Variants in LTBP1 observed in about 807,000 individuals in gnomAD.
LTBP1 encodes latent transforming growth factor beta binding protein 1, also known as latent-transforming growth factor beta-binding protein 1.
In LTBP1, 129 loss-of-function variants were observed where a neutral mutation model predicts 207.6. The observed-to-expected ratio is 0.62, with a 90% CI of 0.54 to 0.72. LTBP1 has a LOEUF of 0.72. LTBP1 is among the 30% of genes least tolerant of loss of function. LTBP1 has a pLI of 0.00. For missense variants in LTBP1, 2,281 were observed against 2,217.2 expected (o/e 1.03, Z -0.58); for synonymous variants, 963 against 833.7 (o/e 1.16, Z -2.67).
In LTBP1 at chr2:33,034,566, C is replaced by G. The variant is rs986724950; in HGVS notation, c.863+13360C>G. ...TGATGACAGGCCTGGAAGCATAGGA[C>G]AGAGCTGGCACATTTTCAAAGGAAT... On this transcript the variant is annotated intron_variant, in intron 3 of 33. Transcript: ENST00000404816. Among the ~76,000 whole-genome samples the G allele has an allele frequency of 2.6e-5, 4 of 152,148 alleles. No individual in the cohort carries two copies. In the East Asian group the frequency reaches 7.7e-4, roughly 29 times the overall value.
intron 3 of LTBP1, among the ~76,000 whole-genome samples, chr2:33,090,703 G>A (rs992287859): frequency 6.6e-6 from 1 of 152,174 alleles, no homozygotes; most frequent in Non-Finnish European, 1.5e-5. Flanking sequence ...GTCTTCAAAG[G>A]AGGGGTTGAG....
chr2:33,173,109 G>A (rs2085633125), intron 5 of LTBP1, among the ~76,000 whole-genome samples: 1 of 152,012 alleles, frequency 6.6e-6, no homozygotes, highest in Non-Finnish European at 1.5e-5. Flanking sequence ...AAAAGCAAGA[G>A]CAAACACATT....
At chr2:33,195,399 A>T (rs779129621) in intron 7 of LTBP1, among the ~76,000 whole-genome samples, 4 of 152,218 alleles carry the variant, frequency 2.6e-5, no homozygotes, top group Non-Finnish European at 5.9e-5. Context: ...ATATTTAATT[A>T]AATTAGATAC....
rs372898090 is a variant in LTBP1, at chr2:33,259,540, T to G, written c.2396-48T>G. The G allele has an allele frequency of 4.4e-6, 6 of 1,363,974 alleles. No individual in the cohort carries two copies. In the African/African-American group the frequency reaches 8.7e-5, roughly 20 times the overall value. 84.5% of individuals were successfully genotyped at this position (1,363,974 alleles called of 1,614,324 possible). A position where few individuals can be genotyped will look rare whatever the true frequency, so the allele number is the denominator to read the frequency against. On this transcript the variant is annotated intron_variant, in intron 12 of 33. Transcript: ENST00000404816. ...TTTTAAGAATTGAAATATAATAGAC[T>G]GAATTGTCTTAAATGGTACTAATAC... is the stretch of plus-strand genomic sequence containing the variant.
intron 5 of LTBP1, among the ~76,000 whole-genome samples, chr2:33,185,245 C>A (rs1261405859): frequency 6.6e-6 from 1 of 152,118 alleles, no homozygotes; most frequent in Admixed American, 6.6e-5. Flanking sequence ...AAGTTGACAT[C>A]TTTGGTGAAT....
chr2:32,947,164 C>T lies in LTBP1; in HGVS notation c.-161C>T, dbSNP rs1042405529. 19 of 435,514 alleles carry T rather than the reference C, an allele frequency of 4.4e-5. No homozygotes were observed. Among genetic ancestry groups the T allele is most frequent in the Middle Eastern group, 1.3e-3 (2 of 1,562 alleles). 27.0% of individuals were successfully genotyped at this position (435,514 alleles called of 1,614,324 possible). On this transcript the variant is annotated 5_prime_UTR_variant, in exon 1 of 34. Coordinates refer to ENST00000404816, the MANE Select transcript of LTBP1 (RefSeq NM_206943.4). The stretch of plus-strand genomic sequence containing the variant: ...GCCGGGGTCTGGGGCCGCTCAGCTG[C>T]CCGCAGAGCCTCCTCCCTCGCCACC...
At chr2:32,966,470 G>T (rs1461686812) in intron 2 of LTBP1, among the ~76,000 whole-genome samples, 1 of 152,110 alleles carries the variant, frequency 6.6e-6, no homozygotes, top group Non-Finnish European at 1.5e-5. Flanking sequence ...CATGATCTTA[G>T]CAGGAAAACT....
At chr2:33,106,163 C>T (rs1264247305) in intron 3 of LTBP1, among the ~76,000 whole-genome samples, 1 of 152,208 alleles carries the variant, frequency 6.6e-6, no homozygotes, top group Non-Finnish European at 1.5e-5. Context: ...TCTTCAGGCT[C>T]CACTTGTAAC....
At position 33,260,802 on chromosome 2, in the gene LTBP1, G is replaced by A. The variant is rs547637174; in HGVS notation, c.2418+1192G>A. Among the ~76,000 whole-genome samples the A allele has an allele frequency of 5.3e-5, 8 of 152,302 alleles. No homozygotes were observed. In the South Asian group the frequency reaches 1.5e-3, roughly 28 times the overall value. On this transcript the variant is annotated intron_variant, in intron 13 of 33. Transcript: ENST00000404816. ...ATGTATGGAAGTAATTATTTAGCTT[G>A]TAGGTGGGCCAGCCAGCATCCTGGC...
intron 3 of LTBP1, among the ~76,000 whole-genome samples, chr2:33,033,903 A>G (rs1208584579): frequency 6.6e-6 from 1 of 152,170 alleles, no homozygotes; most frequent in Non-Finnish European, 1.5e-5. Context: ...TTAAAGTTGT[A>G]TTTCAAAGCG....
chr2:33,335,199 A>T (rs913673464), intron 24 of LTBP1, among the ~76,000 whole-genome samples: 1 of 151,446 alleles, frequency 6.6e-6, no homozygotes, highest in African/African-American at 2.4e-5. Flanking sequence ...AAGATGTCTC[A>T]TTGGCCAGCC....
chr2:33,051,888 C>T (rs954875584), intron 3 of LTBP1, among the ~76,000 whole-genome samples: 1 of 152,208 alleles, frequency 6.6e-6, no homozygotes, highest in African/African-American at 2.4e-5. Context: ...GACATAGGCA[C>T]ATACTTTCAT....
chr2:33,392,133 G>T (rs1299595677), intron 32 of LTBP1, among the ~76,000 whole-genome samples: 1 of 151,940 alleles, frequency 6.6e-6, no homozygotes, highest in Non-Finnish European at 1.5e-5. Context: ...ACTGGAATTT[G>T]CTTGAGCAGA....
At chr2:33,345,270 C>T (rs1559044567) in intron 25 of LTBP1, among the ~76,000 whole-genome samples, 1 of 152,220 alleles carries the variant, frequency 6.6e-6, no homozygotes, top group African/African-American at 2.4e-5. Flanking sequence ...TCCTCACACT[C>T]ACTGAAGCAT....
chr2:33,089,167 AAAAAAGAAAAAAAGAAAAAG>A (rs2078936814), intron 3 of LTBP1, among the ~76,000 whole-genome samples: 1 of 151,368 alleles, frequency 6.6e-6, no homozygotes, highest in East Asian at 1.9e-4. Context: ...AAAAAAAAAA[AAAAAAGAAAAAAAGAAAAAG>A]AAAAGAAGAA....
At chr2:33,087,237 A>C (rs1156595857) in intron 3 of LTBP1, among the ~76,000 whole-genome samples, 1 of 151,570 alleles carries the variant, frequency 6.6e-6, no homozygotes, top group Non-Finnish European at 1.5e-5. Flanking sequence ...GGCTACTTTA[A>C]AAAAATGTTC....
intron 2 of LTBP1, among the ~76,000 whole-genome samples, chr2:32,989,769 G>C (rs1335601253): frequency 1.3e-5 from 2 of 152,152 alleles, no homozygotes; most frequent in Non-Finnish European, 2.9e-5. Flanking sequence ...GAGCGAACTT[G>C]GGTTCACATT....
Position 32,947,196 on chromosome 2 carries a change from G to A in LTBP1, c.-129G>A. On this transcript the variant is annotated 5_prime_UTR_variant, in exon 1 of 34. Coordinates refer to ENST00000404816, the MANE Select transcript of LTBP1 (RefSeq NM_206943.4). ...AGCCTCCTCCCTCGCCACCGACTTG[G>A]TCTCCTCCCGCCTTTCCCGGGCTCT... 2 of 645,612 alleles carry A rather than the reference G, an allele frequency of 3.1e-6. No homozygotes were observed. The highest frequency in any genetic ancestry group is 4.6e-5 in the Admixed American group (1 of 21,742). The allele number at this position is 645,612 out of a possible 1,614,324, so 40.0% of individuals were successfully genotyped here. A position where few individuals can be genotyped will look rare whatever the true frequency, so the allele number is the denominator to read the frequency against.
At chr2:32,995,435 C>A (rs1191608411) in intron 2 of LTBP1, among the ~76,000 whole-genome samples, 1 of 152,134 alleles carries the variant, frequency 6.6e-6, no homozygotes, top group Non-Finnish European at 1.5e-5. Flanking sequence ...GAAGGCTAAT[C>A]ATTGTGGTTG....
Sources: gnomAD v4.1 joint callset for allele counts (sites outside exome capture counted in the v4.1 genomes callset) on GRCh38, gnomAD v4.1.1 for gene constraint, MANE v1.5 for transcripts, NCBI Gene and HGNC (gene_info 2026-07-23, HGNC 2026-07-21) for gene names.